The following AIMP2 variants were observed in gnomAD, a reference collection of about 807,000 sequenced individuals.
AIMP2 encodes aminoacyl tRNA synthase complex-interacting multifunctional protein 2.
AIMP2 carries 20 observed loss-of-function variants against 23.4 expected under a neutral mutation model. The observed-to-expected ratio is 0.85, with a 90% CI of 0.60 to 1.24. AIMP2 has a LOEUF of 1.24. Ranked by LOEUF, AIMP2 falls within the 50% of genes most tolerant of loss-of-function variation. The pLI, the probability that AIMP2 is intolerant of heterozygous loss-of-function variation, is 0.00. For synonymous variants in AIMP2, 210 were observed against 170.4 expected, an observed-to-expected ratio of 1.23 and a Z score of -1.81; for missense variants, 515 against 414.5, an observed-to-expected ratio of 1.24 and a Z score of -2.10.
At chr7:6,018,293 C>G (rs929141294) in intron 3 of AIMP2, among the ~76,000 whole-genome samples, 1 of 150,920 alleles carries the variant, frequency 6.6e-6, no homozygotes, top group Non-Finnish European at 1.5e-5. Context: ...ATTACAGGCG[C>G]GCACCACCAG....
intron 1 of AIMP2, among the ~76,000 whole-genome samples, chr7:6,013,460 C>T (rs1020920848): frequency 6.6e-6 from 1 of 151,822 alleles, no homozygotes; most frequent in African/African-American, 2.4e-5. Context: ...GGGGTTTCAC[C>T]ATGTTGGCCA....
At position 6,018,689 on chromosome 7, in the gene AIMP2, C is replaced by T. The variant is rs554942818; in HGVS notation, c.574+644C>T. On this transcript the variant is annotated intron_variant, in intron 3 of 3. Coordinates refer to ENST00000223029, the MANE Select transcript of AIMP2 (RefSeq NM_006303.4). ...TCTCTACTAAAAATACAAAACTTAGCCGGGTGTGGTAGCAGGCGCCTGTAA... is the reference window on the plus strand; with the variant it reads ...TCTCTACTAAAAATACAAAACTTAGTCGGGTGTGGTAGCAGGCGCCTGTAA... Among the ~76,000 whole-genome samples the T allele has an allele frequency of 7.9e-5, 12 of 151,448 alleles. No individual in the cohort carries two copies. The South Asian group carries it at 2.5e-3, about 32-fold the overall frequency.
chr7:6,013,149 G>T, intron 1 of AIMP2: 1 of 176,068 alleles, frequency 5.7e-6, no homozygotes, highest in Non-Finnish European at 1.1e-5. Context: ...AGGTAAGGTA[G>T]CCAGAGGCCA....
At chr7:6,010,581 T>C (rs1260689168) in intron 1 of AIMP2, among the ~76,000 whole-genome samples, 2 of 152,128 alleles carry the variant, frequency 1.3e-5, no homozygotes, top group Non-Finnish European at 1.5e-5. Flanking sequence ...CCTGAGTAGC[T>C]GAGATTACAG....
rs138662841 is a variant in AIMP2 at position 6,015,255 on chromosome 7, C to T, written c.245C>T (p.Thr82Ile). The change falls in exon 2 of 4, where the codon ACA becomes ATA. Residue 82 changes from threonine to isoleucine, a missense_variant. Thr to Ile is a moderately conservative substitution (Grantham distance 89). Coordinates refer to ENST00000223029, the MANE Select transcript of AIMP2 (RefSeq NM_006303.4). ...AVDGLSKMIQTPDADLDVTNI... is the reference protein window; with the variant it reads ...AVDGLSKMIQIPDADLDVTNI... ...GATGGCCTCTCCAAGATGATTCAAACACCAGATGCAGACTTGGATGTAACC... is the reference window on the plus strand; with the variant it reads ...GATGGCCTCTCCAAGATGATTCAAATACCAGATGCAGACTTGGATGTAACC... 6 of 1,614,050 alleles carry T rather than the reference C, an allele frequency of 3.7e-6. No homozygotes were observed. In the African/African-American group the frequency reaches 4.0e-5, roughly 11 times the overall value.
chr7:6,019,335 A>C (rs2128880321), intron 3 of AIMP2, among the ~76,000 whole-genome samples: 1 of 150,978 alleles, frequency 6.6e-6, no homozygotes, highest in East Asian at 2.0e-4. Context: ...AAAAAAAAAA[A>C]TTAGCCAGGC....
rs777894287 is a variant in AIMP2, at chr7:6,023,495, TC to T, written c.769del (p.Arg257AlafsTer3). The T allele has an allele frequency of 6.2e-7, 1 of 1,614,202 alleles. No individual in the cohort carries two copies. Among genetic ancestry groups the T allele is most frequent in the African/African-American group, 1.3e-5 (1 of 75,062 alleles). ...AGCAGTAAAGAAAAAGCCGCTGTTT[TC>T]CGCTCCATGAACTCTGCTCTTGGGA... ...EGSSKEKAAV[F>X]RSMNSALGKS... On this transcript the variant is annotated frameshift_variant, in exon 4 of 4. Transcript: ENST00000223029. LOFTEE classifies it high-confidence loss of function.
chr7:6,023,622 T>G lies in AIMP2; in HGVS notation c.894T>G (p.Asn298Lys). The part of the protein sequence containing the change: ...IGGCSVTVPA[N>K]VQRWMRSCEN... Reference sequence around the variant, plus strand: ...GCTGCAGTGTGACAGTGCCAGCCAATGTGCAGAGGTGGATGAGGTCTTGTG... The same window carrying G: ...GCTGCAGTGTGACAGTGCCAGCCAAGGTGCAGAGGTGGATGAGGTCTTGTG... The change falls in exon 4 of 4, where the codon AAT becomes AAG. Residue 298 changes from asparagine to lysine, a missense_variant. Transcript: ENST00000223029. 1.9e-6 allele frequency: 3 copies of G among 1,614,122 alleles called. No individual in the cohort carries two copies. The highest frequency in any genetic ancestry group is 2.5e-6 in the Non-Finnish European group (3 of 1,179,998).
chr7:6,009,517 C>A lies in AIMP2; in HGVS notation c.135+19C>A, dbSNP rs1416713755. The A allele has an allele frequency of 2.7e-6, 4 of 1,460,544 alleles. No individual in the cohort carries two copies. Among genetic ancestry groups the A allele is most frequent in the Non-Finnish European group, 2.7e-6 (3 of 1,112,918 alleles). The allele number at this position is 1,460,544 out of a possible 1,614,324, so 90.5% of individuals were successfully genotyped here. A position where few individuals can be genotyped will look rare whatever the true frequency, so the allele number is the denominator to read the frequency against. The stretch of plus-strand genomic sequence containing the variant: ...CGTGCAGGTAGGAGCGCGGGGCCCC[C>A]CGCCCAGTGCGCACGCGCGGCGACC... On this transcript the variant is annotated intron_variant, in intron 1 of 3. Coordinates refer to ENST00000223029, the MANE Select transcript of AIMP2 (RefSeq NM_006303.4).
chr7:6,009,974 A>AAAAAATATACATATATAT, intron 1 of AIMP2, among the ~76,000 whole-genome samples: 1 of 26,662 alleles, frequency 3.8e-5, no homozygotes, highest in African/African-American at 1.4e-4. Flanking sequence ...AAAAAAAAAA[A>AAAAAATATACATATATAT]ATATATATAT....
At chr7:6,018,893 T>G (rs1787203091) in intron 3 of AIMP2, among the ~76,000 whole-genome samples, 1 of 151,394 alleles carries the variant, frequency 6.6e-6, no homozygotes, top group South Asian at 2.1e-4. Flanking sequence ...CATAAAATAT[T>G]TACATACTAG....
At chr7:6,018,968 T>TACACACACACACACACACAC (rs59354100) in intron 3 of AIMP2, among the ~76,000 whole-genome samples, 1,574 of 150,644 alleles carry the variant, frequency 0.01, 16 homozygotes, top group Middle Eastern at 0.044. Flanking sequence ...TATCAAACCT[T>TACACACACACACACACACAC]ACACACACAC....
rs1425545017 is a variant in AIMP2 at position 6,009,476 on chromosome 7, C to T, written c.113C>T (p.Ala38Val). Residue 38 changes from alanine to valine, a missense_variant, in exon 1 of 4, where the codon GCG (alanine) becomes GTG (valine). Coordinates refer to ENST00000223029, the MANE Select transcript of AIMP2 (RefSeq NM_006303.4). ...GTGCACGGCAGGAGCTACGGCCCAG[C>T]GCCGGGCGCTGGCCACGTGCAGGTA... ...PNVHGRSYGP[A>V]PGAGHVQEES... 6.3e-7 allele frequency: 1 copy of T among 1,583,480 alleles called. No homozygotes were observed. Among genetic ancestry groups the T allele is most frequent in the South Asian group, 1.1e-5 (1 of 88,730 alleles).
intron 1 of AIMP2, among the ~76,000 whole-genome samples, chr7:6,012,485 C>G (rs1214360452): frequency 6.6e-6 from 1 of 152,100 alleles, no homozygotes; most frequent in South Asian, 2.1e-4. Flanking sequence ...GACTAGATCA[C>G]GCTGCACTCA....
At chr7:6,018,749 A>G (rs138721798) in intron 3 of AIMP2, among the ~76,000 whole-genome samples, 3,807 of 151,734 alleles carry the variant, frequency 0.025, 142 homozygotes, top group African/African-American at 0.086. Flanking sequence ...CAGGAGAATC[A>G]CTTGAACCCA....
At chr7:6,016,649 G>A (rs1787046880) in intron 2 of AIMP2, among the ~76,000 whole-genome samples, 1 of 152,108 alleles carries the variant, frequency 6.6e-6, no homozygotes, top group African/African-American at 2.4e-5. Flanking sequence ...CAGAGCATGT[G>A]GTGCTCAAGA....
chr7:6,012,252 C>CA (rs144366351), intron 1 of AIMP2, among the ~76,000 whole-genome samples: 8,189 of 113,880 alleles, frequency 0.072, 513 homozygotes, highest in East Asian at 0.39. Flanking sequence ...AACCCTGTCT[C>CA]AAAAAAAAAA....
intron 1 of AIMP2, among the ~76,000 whole-genome samples, chr7:6,014,144 A>G (rs1258848429): frequency 6.6e-6 from 1 of 152,144 alleles, no homozygotes; most frequent in Non-Finnish European, 1.5e-5. Flanking sequence ...AAGAACTACA[A>G]ATTGTGTTCA....
intron 1 of AIMP2, among the ~76,000 whole-genome samples, chr7:6,012,256 A>G (rs1786736445): frequency 8.7e-6 from 1 of 115,442 alleles, no homozygotes; most frequent in African/African-American, 3.8e-5. Flanking sequence ...CTGTCTCAAA[A>G]AAAAAAAAAA....
Sources: gnomAD v4.1 joint callset for allele counts (sites outside exome capture counted in the v4.1 genomes callset) on GRCh38, gnomAD v4.1.1 for gene constraint, MANE v1.5 for transcripts, NCBI Gene and HGNC (gene_info 2026-07-23, HGNC 2026-07-21) for gene names.